The following MTHFD1L variants were observed in gnomAD, a reference collection of about 807,000 sequenced individuals.
The protein encoded by MTHFD1L is methylenetetrahydrofolate dehydrogenase (NADP+ dependent) 1 like.
MTHFD1L carries 81 observed loss-of-function variants against 119.5 expected under a neutral mutation model. The ratio of observed to expected loss-of-function variants is 0.68; its 90% confidence interval spans 0.57 to 0.82. MTHFD1L has a LOEUF of 0.82. Ranked by LOEUF, MTHFD1L falls within the 40% of genes least tolerant of loss-of-function variation. MTHFD1L has a pLI of 0.00. For synonymous variants in MTHFD1L, 430 were observed against 475.2 expected (o/e 0.90, Z 1.24); for missense variants, 1,125 against 1,253.4 (o/e 0.90, Z 1.55).
intron 26 of MTHFD1L, among the ~76,000 whole-genome samples, chr6:151,082,578 A>AT (rs10715175): frequency 0.011 from 1,674 of 149,994 alleles, 22 homozygotes; most frequent in African/African-American, 0.035. Context: ...GATATAGAAG[A>AT]TTTTTTTTTT....
intron 26 of MTHFD1L, among the ~76,000 whole-genome samples, chr6:151,063,265 A>C (rs1790856200): frequency 6.6e-6 from 1 of 152,220 alleles, no homozygotes; most frequent in Non-Finnish European, 1.5e-5. Context: ...GATATCATCA[A>C]GTAGGTGTCA....
chr6:151,015,814 C>A, intron 24 of MTHFD1L, 121 bp downstream of exon 24: 1 of 1,208,920 alleles, frequency 8.3e-7, no homozygotes, highest in Non-Finnish European at 1.1e-6. Flanking sequence ...AGGCCCGGTG[C>A]AGTGGCTCAC....
chr6:151,057,564 A>G (rs1172216162), intron 26 of MTHFD1L, among the ~76,000 whole-genome samples: 1 of 152,026 alleles, frequency 6.6e-6, no homozygotes, highest in African/African-American at 2.4e-5. Context: ...CCCAGGAGGT[A>G]AAGGCTGAAG....
At chr6:151,004,008 T>TTA (rs1491234281) in intron 20 of MTHFD1L, among the ~76,000 whole-genome samples, 9 of 126,052 alleles carry the variant, frequency 7.1e-5, no homozygotes, top group African/African-American at 2.6e-4. Context: ...TGCTTTTTTT[T>TTA]AAAAAAAAAA....
intron 8 of MTHFD1L, among the ~76,000 whole-genome samples, chr6:150,916,370 C>T (rs894192293): frequency 6.6e-5 from 8 of 121,120 alleles, no homozygotes; most frequent in Non-Finnish European, 1.3e-4. Context: ...GGTGTGATCT[C>T]GGCTCACCGC....
intron 20 of MTHFD1L, among the ~76,000 whole-genome samples, chr6:150,998,244 A>C (rs1780102728): frequency 6.6e-6 from 1 of 152,212 alleles, no homozygotes. Flanking sequence ...GTCCATGATC[A>C]GCCTGCTTGT....
In MTHFD1L at chr6:150,886,749, G is replaced by A. The variant is rs899648773; in HGVS notation, c.643+1015G>A. 1.2e-4 allele frequency among the ~76,000 whole-genome samples: 18 copies of A among 152,128 alleles called. No individual in the cohort carries two copies. In the East Asian group the frequency reaches 3.5e-3, roughly 29 times the overall value. ...CACACCTGTAATCCCAGCACTTTGT[G>A]GAGCCAAGATGGGAGGATTGCTTGA... is the stretch of plus-strand genomic sequence containing the variant. On this transcript the variant is annotated intron_variant, in intron 6 of 27. Coordinates refer to ENST00000367321, the MANE Select transcript of MTHFD1L (RefSeq NM_015440.5).
intron 7 of MTHFD1L, among the ~76,000 whole-genome samples, chr6:150,903,768 T>C (rs1047939379): frequency 1.3e-5 from 2 of 152,164 alleles, no homozygotes; most frequent in African/African-American, 2.4e-5. Context: ...CTCTTTTCTT[T>C]TGAAGATGAT....
chr6:151,013,964 G>A (rs1052903770), intron 22 of MTHFD1L, 144 bp downstream of exon 22: 1 of 706,370 alleles, frequency 1.4e-6, no homozygotes, highest in Non-Finnish European at 2.3e-6. Flanking sequence ...TGTAATTTCA[G>A]CACTTTGGGA....
intron 20 of MTHFD1L, among the ~76,000 whole-genome samples, chr6:151,001,052 C>T (rs573317156): frequency 1.3e-5 from 2 of 152,310 alleles, no homozygotes; most frequent in Non-Finnish European, 2.9e-5. Context: ...CCCGTGCGCT[C>T]ATATTTCTTA....
chr6:151,076,983 A>C (rs1792592289), intron 26 of MTHFD1L, among the ~76,000 whole-genome samples: 2 of 152,214 alleles, frequency 1.3e-5, no homozygotes, highest in African/African-American at 4.8e-5. Flanking sequence ...TTTAAATAAT[A>C]CAATTTTATC....
chr6:151,022,076 A>AACC, intron 24 of MTHFD1L: 1 of 471,046 alleles, frequency 2.1e-6, no homozygotes, highest in South Asian at 1.5e-5. Context: ...GAGCAAAACA[A>AACC]ACCACGAAGA....
intron 17 of MTHFD1L, 40 bp downstream of exon 17, chr6:150,956,111 C>T (rs762544689): frequency 5.7e-6 from 9 of 1,574,444 alleles, no homozygotes; most frequent in African/African-American, 2.7e-5. Flanking sequence ...TCTGTTCTTA[C>T]GTTCATTTCT....
intron 24 of MTHFD1L, among the ~76,000 whole-genome samples, chr6:151,017,767 G>A (rs1469123213): frequency 1.3e-5 from 2 of 150,790 alleles, no homozygotes; most frequent in African/African-American, 2.4e-5. Flanking sequence ...AAGTAATGCT[G>A]TATGAGCATG....
chr6:150,909,833 G>A (rs1279962771), intron 8 of MTHFD1L, among the ~76,000 whole-genome samples: 1 of 152,148 alleles, frequency 6.6e-6, no homozygotes, highest in East Asian at 1.9e-4. Context: ...TGTGCTGGGG[G>A]TCCCGAGGGA....
In MTHFD1L at chr6:151,015,606, T is replaced by G. The variant is rs1233048636; in HGVS notation, c.2499T>G (p.Val833=). Reference sequence around the variant, plus strand: ...CAGTCCCCTGCTATCACTGGTCCGTTGGTGGAAAAGGATCGGTGGACTTGG... The same window carrying G: ...CAGTCCCCTGCTATCACTGGTCCGTGGGTGGAAAAGGATCGGTGGACTTGG... ...FDAVPCYHWS[V]GGKGSVDLAR... Residue 833 remains valine (V), a synonymous_variant, in exon 24 of 28, where the codon GTT becomes GTG. Transcript: ENST00000367321. The G allele has an allele frequency of 1.9e-6, 3 of 1,613,986 alleles. No homozygotes were observed. The African/African-American group carries it at 4.0e-5, about 22-fold the overall frequency.
At chr6:150,976,094 G>A (rs1414472593) in intron 20 of MTHFD1L, among the ~76,000 whole-genome samples, 4 of 152,202 alleles carry the variant, frequency 2.6e-5, no homozygotes, top group African/African-American at 9.6e-5. Flanking sequence ...CAGCTACTCA[G>A]GAGGCTGAGG....
At chr6:150,959,352 G>A (rs1796101440) in intron 17 of MTHFD1L, 1 of 255,586 alleles carries the variant, frequency 3.9e-6, no homozygotes, top group Admixed American at 6.5e-5. Context: ...CTCCCCTTGG[G>A]AAGAAGAGAA....
chr6:150,976,667 A>ATTC (rs1163314558), intron 20 of MTHFD1L, among the ~76,000 whole-genome samples: 2 of 152,256 alleles, frequency 1.3e-5, no homozygotes, highest in Non-Finnish European at 2.9e-5. Context: ...TTTGGCCTGC[A>ATTC]TTAAGAAGTA....
Sources: allele counts gnomAD v4.1 joint callset (sites outside exome capture counted in the v4.1 genomes callset), GRCh38; gene constraint gnomAD v4.1.1; transcripts MANE v1.5; gene names NCBI Gene and HGNC (gene_info 2026-07-23, HGNC 2026-07-21).